Variants in SLC25A21 observed in about 807,000 individuals in gnomAD.
SLC25A21 encodes mitochondrial 2-oxodicarboxylate carrier.
SLC25A21 carries 47 observed loss-of-function variants against 43.8 expected under a neutral mutation model. The ratio of observed to expected loss-of-function variants is 1.07; its 90% CI spans 0.85 to 1.37. SLC25A21 has a LOEUF of 1.37. SLC25A21 is among the 40% of genes most tolerant of loss of function. The probability of loss-of-function intolerance (pLI) is 0.00; values close to 1 mark genes in which losing one functional copy is unlikely to be tolerated. For synonymous variants in SLC25A21, 131 were observed against 121.3 expected (o/e 1.08, Z -0.52); for missense variants, 352 against 350.2 (o/e 1.00, Z -0.04).
At chr14:37,000,506 A>C (rs553408988) in intron 1 of SLC25A21, among the ~76,000 whole-genome samples, 3 of 152,196 alleles carry the variant, frequency 2.0e-5, no homozygotes, top group South Asian at 2.1e-4. Flanking sequence ...CCTCTGATAC[A>C]TCCATTGCCA....
intron 3 of SLC25A21, among the ~76,000 whole-genome samples, chr14:36,764,164 G>GA (rs1156917272): frequency 1.4e-5 from 1 of 69,592 alleles, no homozygotes; most frequent in African/African-American, 7.9e-5. Context: ...AAGAAAGAAA[G>GA]AAAGAAAGAA....
At chr14:37,021,383 T>C (rs934140120) in intron 1 of SLC25A21, among the ~76,000 whole-genome samples, 1 of 152,024 alleles carries the variant, frequency 6.6e-6, no homozygotes, top group Non-Finnish European at 1.5e-5. Flanking sequence ...ACATCCACTT[T>C]TCTTTTTCTC....
At chr14:36,886,784 T>G (rs1161021897) in intron 1 of SLC25A21, among the ~76,000 whole-genome samples, 1 of 152,218 alleles carries the variant, frequency 6.6e-6, no homozygotes, top group Non-Finnish European at 1.5e-5. Flanking sequence ...CAATATAATG[T>G]CTTTAAAAAA....
At position 36,943,439 on chromosome 14, in the gene SLC25A21, G is replaced by A. The variant is rs143003147; in HGVS notation, c.71-68435C>T. On this transcript the variant is annotated intron_variant, in intron 1 of 9. Coordinates refer to ENST00000331299, the MANE Select transcript of SLC25A21 (RefSeq NM_030631.4). ...GCTCCTGGCCTCATGTGATCTGCCC[G>A]CCTTGGCCTCCCAAAAGTGCTGGGA... Among the ~76,000 whole-genome samples, 151 of 152,238 alleles carry A rather than the reference G, an allele frequency of 9.9e-4. 1 individual carries two copies. In the East Asian group the frequency reaches 0.018, roughly 18 times the overall value.
intron 1 of SLC25A21, among the ~76,000 whole-genome samples, chr14:37,075,012 T>G (rs867103426): frequency 6.6e-6 from 1 of 152,150 alleles, no homozygotes; most frequent in African/African-American, 2.4e-5. Flanking sequence ...GTTAATTACA[T>G]GGACCCTGTG....
chr14:37,045,824 A>G (rs1961574637), intron 1 of SLC25A21, among the ~76,000 whole-genome samples: 1 of 152,184 alleles, frequency 6.6e-6, no homozygotes, highest in South Asian at 2.1e-4. Flanking sequence ...CATCCATGAA[A>G]TGATCTTTTC....
rs1413582480 is a variant in SLC25A21, at chr14:36,824,466, AC to A, written c.120-10466del. ...GATGGATCGAACCCCAAACTGACAAACAAATGGTAGTCATACTGCTTACTTT... is the reference window on the plus strand; with the variant it reads ...GATGGATCGAACCCCAAACTGACAAAAAATGGTAGTCATACTGCTTACTTT... On this transcript the variant is annotated intron_variant, in intron 2 of 9. Transcript: ENST00000331299. Among the ~76,000 whole-genome samples, 6 of 152,280 alleles carry A rather than the reference AC, an allele frequency of 3.9e-5. No individual in the cohort carries two copies. In the East Asian group the frequency reaches 9.7e-4, roughly 25 times the overall value.
chr14:37,023,627 C>T (rs1410821352), intron 1 of SLC25A21, among the ~76,000 whole-genome samples: 1 of 151,968 alleles, frequency 6.6e-6, no homozygotes, highest in East Asian at 1.9e-4. Context: ...GCCTCATTCC[C>T]TACTTATTTG....
At chr14:36,964,630 G>A (rs549178005) in intron 1 of SLC25A21, among the ~76,000 whole-genome samples, 1 of 152,316 alleles carries the variant, frequency 6.6e-6, no homozygotes, top group Admixed American at 6.5e-5. Context: ...AAAGGACAAA[G>A]TAATATTATT....
At chr14:37,092,462 T>A (rs1464055510) in intron 1 of SLC25A21, among the ~76,000 whole-genome samples, 4 of 152,158 alleles carry the variant, frequency 2.6e-5, no homozygotes, top group Non-Finnish European at 5.9e-5. Context: ...GGCTTCTGAT[T>A]TCCCCCCAGT....
chr14:36,836,595 G>A (rs1889217547), intron 2 of SLC25A21, among the ~76,000 whole-genome samples: 1 of 152,094 alleles, frequency 6.6e-6, no homozygotes, highest in African/African-American at 2.4e-5. Context: ...GTTGATCTCT[G>A]GGCTCTGCAA....
chr14:36,990,276 T>C (rs967948492), intron 1 of SLC25A21, among the ~76,000 whole-genome samples: 6 of 152,180 alleles, frequency 3.9e-5, no homozygotes, highest in African/African-American at 1.2e-4. Flanking sequence ...TGTCAAGCTA[T>C]GCAAGCCTTC....
At chr14:37,129,753 G>C (rs1963361304) in intron 1 of SLC25A21, among the ~76,000 whole-genome samples, 1 of 150,434 alleles carries the variant, frequency 6.6e-6, no homozygotes, top group African/African-American at 2.4e-5. Context: ...AATAGGTTTA[G>C]AGTCTTTTTT....
chr14:37,059,088 C>A (rs543055527), intron 1 of SLC25A21, among the ~76,000 whole-genome samples: 2 of 152,330 alleles, frequency 1.3e-5, no homozygotes, highest in South Asian at 4.1e-4. Context: ...CCATGAACAT[C>A]TTCAGGGCAA....
At chr14:36,867,757 T>G (rs1255667575) in intron 2 of SLC25A21, among the ~76,000 whole-genome samples, 1 of 151,840 alleles carries the variant, frequency 6.6e-6, no homozygotes, top group East Asian at 1.9e-4. Flanking sequence ...ATTCCCCCCA[T>G]TTTTGCTAAA....
intron 3 of SLC25A21, among the ~76,000 whole-genome samples, chr14:36,746,113 A>G (rs780719420): frequency 1.3e-5 from 2 of 152,184 alleles, no homozygotes; most frequent in Non-Finnish European, 2.9e-5. Context: ...TATCTACCCA[A>G]AGGAAAAAAA....
chr14:37,111,263 T>TC (rs915383070), intron 1 of SLC25A21, among the ~76,000 whole-genome samples: 1 of 152,180 alleles, frequency 6.6e-6, no homozygotes, highest in Non-Finnish European at 1.5e-5. Flanking sequence ...ACCCACACTG[T>TC]CACCAACCGT....
At chr14:36,766,114 T>C (rs1037378239) in intron 3 of SLC25A21, among the ~76,000 whole-genome samples, 5 of 151,990 alleles carry the variant, frequency 3.3e-5, no homozygotes, top group African/African-American at 1.2e-4. Flanking sequence ...TAGCCTATAG[T>C]TTATTTCCCC....
intron 1 of SLC25A21, among the ~76,000 whole-genome samples, chr14:37,075,830 T>A (rs1566862829): frequency 6.6e-6 from 1 of 152,246 alleles, no homozygotes; most frequent in Non-Finnish European, 1.5e-5. Context: ...ATGAACTGAT[T>A]TCCCTCGTTC....
Sources: allele counts gnomAD v4.1 joint callset (sites outside exome capture counted in the v4.1 genomes callset), GRCh38; gene constraint gnomAD v4.1.1; transcripts MANE v1.5; gene names NCBI Gene and HGNC (gene_info 2026-07-23, HGNC 2026-07-21).